Variants in MID2 observed in about 807,000 individuals in gnomAD.
The protein encoded by MID2 is midline 2, also known as probable E3 ubiquitin-protein ligase MID2.
Under a neutral mutation model 46.1 loss-of-function variants are expected in MID2, and 13 were observed. That is an observed-to-expected ratio of 0.28 (90% CI 0.18 to 0.45). MID2 has a LOEUF of 0.45. Ranked by LOEUF, MID2 falls within the 20% of genes least tolerant of loss-of-function variation. The pLI is 1.00. For missense variants in MID2, 431 were observed against 575.4 expected (o/e 0.75, Z 2.57); for synonymous variants, 199 against 212.3 (o/e 0.94, Z 0.55).
chrX:107,831,456 A>G (rs1211420436), intron 1 of MID2, among the ~76,000 whole-genome samples: 1 of 112,638 alleles, frequency 8.9e-6, no homozygotes, highest in Non-Finnish European at 1.9e-5. Context: ...ATGCTAATTC[A>G]TGACAGTGAA....
chrX:107,839,357 GC>G (rs1461190634), intron 1 of MID2, among the ~76,000 whole-genome samples: 5 of 107,409 alleles, frequency 4.7e-5, no homozygotes, highest in Non-Finnish European at 9.6e-5. Context: ...CAGTTGGGTG[GC>G]TTTTTTTGTT....
intron 3 of MID2, among the ~76,000 whole-genome samples, chrX:107,884,688 A>G (rs1932407576): frequency 8.9e-6 from 1 of 112,462 alleles, no homozygotes; most frequent in South Asian, 3.6e-4. Flanking sequence ...GAGACCAAAA[A>G]CAAAACAAAA....
rs753082764 is a variant in MID2 at position 107,929,199 on chromosome X, G to A, written c.*2126G>A. The stretch of plus-strand genomic sequence containing the variant: ...TCCTTACTCCCAGCTCCAATACAGC[G>A]TAACAGTGCTTTAAAATGTATGTCC... On this transcript the variant is annotated 3_prime_UTR_variant, in exon 10 of 10. Coordinates refer to ENST00000262843, the MANE Select transcript of MID2 (RefSeq NM_012216.4). 4.5e-5 allele frequency among the ~76,000 whole-genome samples: 5 copies of A among 111,851 alleles called. No individual in the cohort carries two copies. Among genetic ancestry groups the A allele is most frequent in the East Asian group, 5.6e-4 (2 of 3,575 alleles).
chrX:107,845,525 A>ACACACACTCTCTCTCT (rs1276957001), intron 2 of MID2, among the ~76,000 whole-genome samples: 15 of 72,942 alleles, frequency 2.1e-4, no homozygotes, highest in African/African-American at 9.8e-4. Context: ...ACACACACAC[A>ACACACACTCTCTCTCT]CTCTCTCTCT....
At position 107,826,261 on chromosome X, in the gene MID2, A is replaced by C; in HGVS notation, c.-166A>C. ...GCTGCTGCGCGGCGTCGGCGACGGT[A>C]GCGGCAGCGGCGGCGAAGGCGGGCG... On this transcript the variant is annotated 5_prime_UTR_variant, in exon 1 of 10. Coordinates refer to ENST00000262843, the MANE Select transcript of MID2 (RefSeq NM_012216.4). The C allele has an allele frequency of 2.2e-6, 1 of 453,594 alleles. No individual in the cohort carries two copies. The highest frequency in any genetic ancestry group is 3.1e-6 in the Non-Finnish European group (1 of 321,931). The allele number at this position is 453,594 out of a possible 1,213,427, so 37.4% of individuals were successfully genotyped here.
chrX:107,913,276 G>T (rs1318149887), intron 5 of MID2, among the ~76,000 whole-genome samples: 1 of 111,406 alleles, frequency 9.0e-6, no homozygotes, highest in Admixed American at 9.5e-5. Context: ...ATTTCCAATT[G>T]CTTCATGTTA....
At chrX:107,859,538 A>C (rs772708858) in intron 3 of MID2, among the ~76,000 whole-genome samples, 1 of 112,205 alleles carries the variant, frequency 8.9e-6, no homozygotes, top group African/African-American at 3.2e-5. Context: ...ATAAATAGGA[A>C]ATGGCACCTG....
intron 3 of MID2, among the ~76,000 whole-genome samples, chrX:107,878,962 A>C (rs1223703530): frequency 8.9e-6 from 1 of 111,832 alleles, no homozygotes; most frequent in Non-Finnish European, 1.9e-5. Flanking sequence ...CAGTGCTGGC[A>C]GGGATGGACT....
intron 3 of MID2, among the ~76,000 whole-genome samples, chrX:107,886,845 TG>T (rs1367240730): frequency 1.7e-4 from 19 of 111,948 alleles, no homozygotes; most frequent in African/African-American, 5.9e-4. Context: ...TGACATCCCT[TG>T]TAAGTTGGAT....
chrX:107,838,403 G>A (rs1017004733), intron 1 of MID2, among the ~76,000 whole-genome samples: 19 of 111,963 alleles, frequency 1.7e-4, no homozygotes, highest in African/African-American at 5.8e-4. Context: ...ATGGGTGAAC[G>A]TTGATAGATG....
rs752431675 is a variant in MID2, at chrX:107,917,672, C to T, written c.1368C>T (p.Gly456=). The change falls in exon 7 of 10, where the codon GGC becomes GGT. Residue 456 remains glycine (G), a synonymous_variant. Transcript: ENST00000262843. The part of the protein sequence containing the change: ...NFISKSWCSW[G]LWPEIRKCKE... The stretch of plus-strand genomic sequence containing the variant: ...TCAGTAAGTCATGGTGTAGTTGGGG[C>T]CTGTGGCCAGAGATAAGGAAATGTA... 8.3e-7 allele frequency: 1 copy of T among 1,211,790 alleles called. No homozygotes were observed. Among genetic ancestry groups the T allele is most frequent in the South Asian group, 1.8e-5 (1 of 56,984 alleles).
intron 5 of MID2, among the ~76,000 whole-genome samples, chrX:107,912,158 A>G (rs1355103046): frequency 1.8e-5 from 2 of 111,754 alleles, no homozygotes; most frequent in African/African-American, 6.5e-5. Flanking sequence ...TGGTTACCAC[A>G]CATTCATCCC....
intron 7 of MID2, among the ~76,000 whole-genome samples, chrX:107,921,259 A>C (rs995360211): frequency 1.8e-5 from 2 of 110,061 alleles, no homozygotes; most frequent in Middle Eastern, 4.6e-3. Flanking sequence ...CCTTATTTTG[A>C]TTTTTTCTGA....
At chrX:107,889,652 T>C (rs942232158) in intron 3 of MID2, among the ~76,000 whole-genome samples, 3 of 111,706 alleles carry the variant, frequency 2.7e-5, no homozygotes, top group East Asian at 2.8e-4. Context: ...TTCCTGAATC[T>C]GAATGTTGGC....
chrX:107,842,116 G>A (rs1232997330), intron 2 of MID2, among the ~76,000 whole-genome samples: 2 of 112,546 alleles, frequency 1.8e-5, no homozygotes, highest in East Asian at 5.5e-4. Flanking sequence ...ATTTTATCCA[G>A]TATCAAATTT....
At chrX:107,834,854 CTCT>C (rs1378013163) in intron 1 of MID2, among the ~76,000 whole-genome samples, 1 of 111,885 alleles carries the variant, frequency 8.9e-6, no homozygotes, top group African/African-American at 3.2e-5. Flanking sequence ...GGGATTGAAT[CTCT>C]TCTTTAAAAA....
intron 8 of MID2, among the ~76,000 whole-genome samples, chrX:107,925,090 A>G (rs1933148187): frequency 8.9e-6 from 1 of 112,143 alleles, no homozygotes; most frequent in Non-Finnish European, 1.9e-5. Flanking sequence ...TTCAGATGTC[A>G]TATTACCTCT....
At chrX:107,867,298 G>A (rs867019017) in intron 3 of MID2, among the ~76,000 whole-genome samples, 17 of 108,134 alleles carry the variant, frequency 1.6e-4, no homozygotes, top group Middle Eastern at 4.8e-3. Context: ...TTACAGGCAT[G>A]TGCCGCCACG....
At chrX:107,836,250 G>A (rs1340001831) in intron 1 of MID2, among the ~76,000 whole-genome samples, 2 of 111,208 alleles carry the variant, frequency 1.8e-5, no homozygotes, top group Admixed American at 9.5e-5. Context: ...GTGTGACCTT[G>A]AACAAGTTAC....
Sources: allele counts gnomAD v4.1 joint callset (sites outside exome capture counted in the v4.1 genomes callset), GRCh38; gene constraint gnomAD v4.1.1; transcripts MANE v1.5; gene names NCBI Gene and HGNC (gene_info 2026-07-23, HGNC 2026-07-21).